SUCLA2: variants seen among roughly 807,000 people sequenced by gnomAD.
The protein encoded by SUCLA2 is succinate--CoA ligase [ADP-forming] subunit beta, mitochondrial.
Under a neutral mutation model 54.8 loss-of-function variants are expected in SUCLA2, and 30 were observed. The observed-to-expected ratio is 0.55, with a 90% CI of 0.41 to 0.74. SUCLA2 has a LOEUF of 0.74. SUCLA2 is among the 30% of genes least tolerant of loss of function. SUCLA2 has a pLI of 0.00. For synonymous variants in SUCLA2, 172 were observed against 188.9 expected (o/e 0.91, Z 0.74); for missense variants, 476 against 562.9 (o/e 0.85, Z 1.56).
intron 6 of SUCLA2, among the ~76,000 whole-genome samples, chr13:47,956,382 AG>A (rs1311010967): frequency 6.6e-6 from 1 of 152,144 alleles, no homozygotes; most frequent in Non-Finnish European, 1.5e-5. Context: ...AAAAGAAAAA[AG>A]AAACTGCACC....
chr13:48,000,923 C>G, intron 1 of SUCLA2: 1 of 1,377,218 alleles, frequency 7.3e-7, no homozygotes, highest in Non-Finnish European at 9.4e-7. Flanking sequence ...CCGCCCATCT[C>G]TTAGAAACTG....
At chr13:47,986,311 G>A (rs867117811) in intron 4 of SUCLA2, among the ~76,000 whole-genome samples, 11 of 152,096 alleles carry the variant, frequency 7.2e-5, no homozygotes, top group African/African-American at 1.2e-4. Flanking sequence ...GATTACAGGC[G>A]TGAGCCACCA....
At chr13:47,948,449 G>T (rs1191189905) in intron 10 of SUCLA2, among the ~76,000 whole-genome samples, 2 of 151,972 alleles carry the variant, frequency 1.3e-5, no homozygotes, top group Non-Finnish European at 2.9e-5. Flanking sequence ...CAAACTCCTG[G>T]ACTCAAGCAA....
chr13:47,994,461 A>G (rs987206416), intron 2 of SUCLA2, among the ~76,000 whole-genome samples: 2 of 149,834 alleles, frequency 1.3e-5, no homozygotes, highest in African/African-American at 2.5e-5. Context: ...CCAGCTACTC[A>G]GGAGGCTGAG....
intron 4 of SUCLA2, among the ~76,000 whole-genome samples, chr13:47,984,263 G>A (rs981960352): frequency 2.7e-5 from 4 of 150,850 alleles, no homozygotes; most frequent in Non-Finnish European, 4.4e-5. Flanking sequence ...GTGCAATCTC[G>A]GCTCACTGCA....
intron 4 of SUCLA2, among the ~76,000 whole-genome samples, chr13:47,977,785 T>G (rs78405530): frequency 0.067 from 10,201 of 152,158 alleles, 642 homozygotes; most frequent in East Asian, 0.18. Flanking sequence ...AAAGGCCATA[T>G]AAGAAAACTC....
intron 5 of SUCLA2, among the ~76,000 whole-genome samples, chr13:47,970,172 A>C (rs1466736157): frequency 1.3e-5 from 2 of 152,060 alleles, no homozygotes; most frequent in Non-Finnish European, 2.9e-5. Flanking sequence ...ATAAAGAATA[A>C]TATGAAAGTA....
intron 6 of SUCLA2, among the ~76,000 whole-genome samples, chr13:47,961,969 TGGATTAGA>T (rs1949874690): frequency 6.6e-6 from 1 of 152,228 alleles, no homozygotes; most frequent in South Asian, 2.1e-4. Flanking sequence ...TTTGTGCCCC[TGGATTAGA>T]GAGACCTTTC....
chr13:47,968,457 A>C (rs1003494699), intron 6 of SUCLA2, 138 bp downstream of exon 6: 1 of 944,278 alleles, frequency 1.1e-6, no homozygotes, highest in African/African-American at 1.7e-5. Context: ...GTTCATATTC[A>C]TTCTATCTGA....
chr13:47,957,463 G>C (rs1049535277), intron 6 of SUCLA2, among the ~76,000 whole-genome samples: 8 of 152,166 alleles, frequency 5.3e-5, no homozygotes, highest in African/African-American at 1.9e-4. Context: ...TGCCCACCCA[G>C]TTTTGGCTGA....
At chr13:47,974,963 G>A (rs1322589410) in intron 4 of SUCLA2, among the ~76,000 whole-genome samples, 2 of 151,956 alleles carry the variant, frequency 1.3e-5, no homozygotes, top group South Asian at 2.1e-4. Context: ...CATAAAGTGC[G>A]TTTCAAGTGC....
Position 47,954,421 on chromosome 13 carries a change from G to GC in SUCLA2, c.938dup (p.Leu314ProfsTer34). On this transcript the variant is annotated frameshift_variant, in exon 7 of 11. Coordinates refer to ENST00000646932, the MANE Select transcript of SUCLA2 (RefSeq NM_003850.3). LOFTEE classifies it high-confidence loss of function. The stretch of plus-strand genomic sequence containing the variant: ...CTAGGCAGCCTATATTTCCATCGAG[G>GC]CCAATGTAGTTGAGATTTGCCTTAG... 1 of 1,613,946 alleles carries GC rather than the reference G, an allele frequency of 6.2e-7. No individual in the cohort carries two copies. Among genetic ancestry groups the GC allele is most frequent in the Non-Finnish European group, 8.5e-7 (1 of 1,179,900 alleles).
At chr13:47,983,647 G>T (rs1448316859) in intron 4 of SUCLA2, among the ~76,000 whole-genome samples, 2 of 152,024 alleles carry the variant, frequency 1.3e-5, no homozygotes, top group Non-Finnish European at 2.9e-5. Flanking sequence ...CTGCCGCCAC[G>T]CCTGGCTAAT....
intron 10 of SUCLA2, 80 bp from the exon 11 acceptor site, chr13:47,943,525 T>A: frequency 7.7e-7 from 1 of 1,291,658 alleles, no homozygotes; most frequent in South Asian, 1.2e-5. Flanking sequence ...GTACACTCAA[T>A]TTTTTCCATT....
intron 8 of SUCLA2, among the ~76,000 whole-genome samples, chr13:47,951,702 G>A (rs1949777671): frequency 6.6e-6 from 1 of 151,984 alleles, no homozygotes; most frequent in Non-Finnish European, 1.5e-5. Flanking sequence ...CTAACTTTTA[G>A]CATACAACCT....
At position 47,943,034 on chromosome 13, in the gene SUCLA2, A is replaced by G. The variant is rs1452989945; in HGVS notation, c.*337T>C. 1 of 291,934 alleles carries G rather than the reference A, an allele frequency of 3.4e-6. No individual in the cohort carries two copies. The highest frequency in any genetic ancestry group is 2.2e-5 in the African/African-American group (1 of 45,658). 18.1% of individuals were successfully genotyped at this position (291,934 alleles called of 1,614,324 possible). On this transcript the variant is annotated 3_prime_UTR_variant, in exon 11 of 11. Coordinates refer to ENST00000646932, the MANE Select transcript of SUCLA2 (RefSeq NM_003850.3). ...TTTTAACACTAAAGAATAAAGCTTT[A>G]TCTTCGTATTTATCTTATTTATAGG...
At chr13:47,964,334 G>GTGAATGCAAAGAGGTCTCCTGTGTTGA (rs1649787426) in intron 6 of SUCLA2, among the ~76,000 whole-genome samples, 1 of 152,180 alleles carries the variant, frequency 6.6e-6, no homozygotes, top group Admixed American at 6.5e-5. Context: ...GGTAGACAAT[G>GTGAATGCAAAGAGGTCTCCTGTGTTGA]TGAATGCAAA....
At chr13:47,978,907 C>T (rs4942729) in intron 4 of SUCLA2, among the ~76,000 whole-genome samples, 110,700 of 151,886 alleles carry the variant, frequency 0.73, 41,272 homozygotes, top group Non-Finnish European at 0.81. Flanking sequence ...AAAAAACATA[C>T]GAAAAAAAGC....
At chr13:47,968,114 C>T (rs75483656) in intron 6 of SUCLA2, among the ~76,000 whole-genome samples, 3,687 of 152,200 alleles carry the variant, frequency 0.024, 141 homozygotes, top group Admixed American at 0.1. Context: ...CATAAAATTA[C>T]AGCTCAATCA....
Sources: gnomAD v4.1 joint callset for allele counts (sites outside exome capture counted in the v4.1 genomes callset) on GRCh38, gnomAD v4.1.1 for gene constraint, MANE v1.5 for transcripts, NCBI Gene and HGNC (gene_info 2026-07-23, HGNC 2026-07-21) for gene names.